DMTN: variants seen among roughly 807,000 people sequenced by gnomAD.
DMTN encodes the protein dematin actin binding protein.
DMTN carries 27 observed loss-of-function variants against 59.4 expected under a neutral mutation model. The observed-to-expected ratio is 0.45, with a 90% CI of 0.33 to 0.63. The LOEUF (loss-of-function observed/expected upper bound fraction) is 0.63, where lower values mean the gene tolerates loss of function less well. DMTN is among the 20% of genes least tolerant of loss of function. The pLI is 0.02. For synonymous variants in DMTN, 221 were observed against 203.7 expected, an observed-to-expected ratio of 1.08 and a Z score of -0.72; for missense variants, 451 against 528.9, an observed-to-expected ratio of 0.85 and a Z score of 1.45.
At chr8:22,065,269 A>T (rs899879722) in intron 1 of DMTN, among the ~76,000 whole-genome samples, 22 of 152,102 alleles carry the variant, frequency 1.4e-4, no homozygotes, top group African/African-American at 5.1e-4. Flanking sequence ...CCTGACCTCA[A>T]GCCATCCTCT....
Position 22,081,210 on chromosome 8 carries a change from C to A in DMTN, c.1104+17C>A, listed in dbSNP as rs1423579822. On this transcript the variant is annotated intron_variant, in intron 15 of 15. Transcript: ENST00000358242. ...CGGCTTGAGGTAGGCAAGGAAGATG[C>A]CCTGGATGGGTGCGGGGCTGTCCAC... is the stretch of plus-strand genomic sequence containing the variant. 6.2e-7 allele frequency: 1 copy of A among 1,613,176 alleles called. No homozygotes were observed. Among genetic ancestry groups the A allele is most frequent in the Non-Finnish European group, 8.5e-7 (1 of 1,179,804 alleles).
chr8:22,080,088 G>A (rs1823134772), intron 10 of DMTN, 92 bp from the exon 11 acceptor site: 2 of 1,464,376 alleles, frequency 1.4e-6, no homozygotes, highest in East Asian at 2.3e-5. Context: ...TTCCTGCCCT[G>A]CCCCAGCTGT....
chr8:22,054,017 G>A (rs944341535), upstream of DMTN, among the ~76,000 whole-genome samples: 2 of 152,116 alleles, frequency 1.3e-5, no homozygotes, highest in Admixed American at 6.5e-5. Flanking sequence ...GTCTTCCCAT[G>A]GGACAAGGAC....
Position 22,081,402 on chromosome 8 carries a change from A to T in DMTN, c.1157A>T (p.Glu386Val), listed in dbSNP as rs547453331. The T allele has an allele frequency of 6.2e-7, 1 of 1,613,952 alleles. No individual in the cohort carries two copies. The highest frequency in any genetic ancestry group is 1.1e-5 in the South Asian group (1 of 91,080). ...AGGGTATTTGCCATGTCCCCTGAAG[A>T]GTTTGGCAAGCTGGCTCTGTGGAAG... ...FSRVFAMSPE[E>V]FGKLALWKRN... The change falls in exon 16 of 16, where the codon GAG (glutamate) becomes GTG (valine). Residue 386 changes from glutamate (E) to valine (V), a missense_variant. Glu to Val is a moderately radical substitution (Grantham distance 121). Transcript: ENST00000358242.
At position 22,082,122 on chromosome 8, in the gene DMTN, C is replaced by T. The variant is rs1824579049; in HGVS notation, c.*659C>T. The T allele has an allele frequency of 2.2e-6, 1 of 456,326 alleles. No homozygotes were observed. Among genetic ancestry groups the T allele is most frequent in the Non-Finnish European group, 4.4e-6 (1 of 226,692 alleles). 28.3% of individuals were successfully genotyped at this position (456,326 alleles called of 1,614,324 possible). ...ACACACGATCCTGGCCCTCCACCTG[C>T]CTCCAGGCCACGAAATGGGAATTCC... On this transcript the variant is annotated 3_prime_UTR_variant, in exon 16 of 16. Transcript: ENST00000358242.
intron 8 of DMTN, among the ~76,000 whole-genome samples, chr8:22,071,509 T>G (rs961975098): frequency 6.8e-6 from 1 of 146,910 alleles, no homozygotes; most frequent in Non-Finnish European, 1.5e-5. Flanking sequence ...ATTTTCCTGT[T>G]TCAGCCTCGC....
intron 10 of DMTN, 117 bp from the exon 11 acceptor site, chr8:22,080,063 C>T (rs1823114437): frequency 8.4e-7 from 1 of 1,184,166 alleles, no homozygotes; most frequent in African/African-American, 1.5e-5. Flanking sequence ...ACCAGGTTCC[C>T]CCCAGCGTGA....
At chr8:22,080,755 G>A (rs560633377) in intron 13 of DMTN, 50 bp from the exon 14 acceptor site, 3 of 1,594,910 alleles carry the variant, frequency 1.9e-6, no homozygotes, top group South Asian at 2.3e-5. Context: ...GGTAAGGCTG[G>A]GAAGGTCTCC....
chr8:22,072,301 C>T (rs750697420), intron 8 of DMTN, 25 bp from the exon 9 acceptor site: 1 of 1,585,132 alleles, frequency 6.3e-7, no homozygotes, highest in South Asian at 1.1e-5. Flanking sequence ...GTGACTCCCT[C>T]CCCACCTTTG....
At chr8:22,065,259 C>G (rs1039780877) in intron 1 of DMTN, among the ~76,000 whole-genome samples, 6 of 152,202 alleles carry the variant, frequency 3.9e-5, no homozygotes, top group African/African-American at 1.4e-4. Context: ...GCCTCGAACT[C>G]CTGACCTCAA....
chr8:22,069,071 C>A lies in DMTN; in HGVS notation c.294+11C>A. 1 of 1,610,896 alleles carries A rather than the reference C, an allele frequency of 6.2e-7. No individual in the cohort carries two copies. Among genetic ancestry groups the A allele is most frequent in the Non-Finnish European group, 8.5e-7 (1 of 1,178,412 alleles). On this transcript the variant is annotated intron_variant, in intron 5 of 15. Transcript: ENST00000358242. ...CCACCATCCCCAGAGGTGAGTCTGC[C>A]CCACACCTGCAACTTGCCCTGCCCT...
At chr8:22,064,266 G>T (rs1347275702) in intron 1 of DMTN, among the ~76,000 whole-genome samples, 1 of 152,238 alleles carries the variant, frequency 6.6e-6, no homozygotes, top group African/African-American at 2.4e-5. Context: ...TAGCTAGTTT[G>T]GTATTAGCTA....
At chr8:22,079,297 T>TAA (rs1822414067) in intron 10 of DMTN, among the ~76,000 whole-genome samples, 1 of 89,078 alleles carries the variant, frequency 1.1e-5, no homozygotes, top group Non-Finnish European at 2.1e-5. Flanking sequence ...TATATATATA[T>TAA]ATATTAGCTG....
chr8:22,080,655 A>T, intron 13 of DMTN, 30 bp downstream of exon 13: 2 of 1,596,762 alleles, frequency 1.3e-6, no homozygotes, highest in East Asian at 2.3e-5. Flanking sequence ...GAACAGGCAG[A>T]GCAGCAGAAG....
rs140175733 is a variant in DMTN at position 22,060,383 on chromosome 8, A to ACTCT, written c.-172+3256_-172+3259dup. ...GTGTGATTTGAGAGAAGCCAAGGAA[A>ACTCT]CTCTCTCTCTCTTTCTCTCTTTCTG... On this transcript the variant is annotated intron_variant, in intron 1 of 15. Coordinates refer to ENST00000358242, the MANE Select transcript of DMTN (RefSeq NM_001387751.1). This position sits in a 1 kb window ranked among gnomAD's most constrained non-coding sequence, Gnocchi z 5.0. 4.1e-5 allele frequency among the ~76,000 whole-genome samples: 6 copies of ACTCT among 144,970 alleles called. No individual in the cohort carries two copies. Among genetic ancestry groups the ACTCT allele is most frequent in the Admixed American group, 2.8e-4 (4 of 14,514 alleles).
intron 8 of DMTN, among the ~76,000 whole-genome samples, chr8:22,071,421 G>A (rs938418543): frequency 5.3e-5 from 8 of 151,610 alleles, no homozygotes; most frequent in Non-Finnish European, 1.2e-4. Context: ...GAGACAGGAA[G>A]TCTTGCTCTA....
chr8:22,079,487 A>G (rs1220202705), intron 10 of DMTN, among the ~76,000 whole-genome samples: 1 of 151,750 alleles, frequency 6.6e-6, no homozygotes, highest in Non-Finnish European at 1.5e-5. Flanking sequence ...AAATATGAAT[A>G]CTAGCTGAGC....
intron 9 of DMTN, among the ~76,000 whole-genome samples, chr8:22,073,458 T>C (rs1013913939): frequency 5.3e-5 from 8 of 151,134 alleles, no homozygotes; most frequent in Non-Finnish European, 1.0e-4. Flanking sequence ...AAACCCCATC[T>C]GTATATAAAA....
At chr8:22,065,915 A>G (rs1356824269) in intron 1 of DMTN, among the ~76,000 whole-genome samples, 1 of 136,824 alleles carries the variant, frequency 7.3e-6, no homozygotes, top group East Asian at 2.4e-4. Context: ...ATCTCGGCTC[A>G]CTGCAGCCTC....
Sources: gnomAD v4.1 joint callset for allele counts (sites outside exome capture counted in the v4.1 genomes callset) on GRCh38, gnomAD v4.1.1 for gene constraint, Gnocchi (gnomAD v3.1) non-coding constraint, MANE v1.5 for transcripts, NCBI Gene and HGNC (gene_info 2026-07-23, HGNC 2026-07-21) for gene names.